The following ARHGAP32 variants were observed in gnomAD, a reference collection of about 807,000 sequenced individuals.
ARHGAP32 encodes the protein rho GTPase-activating protein 32.
Under a neutral mutation model 186.5 loss-of-function variants are expected in ARHGAP32, and 51 were observed. The observed-to-expected ratio is 0.27, with a 90% CI of 0.22 to 0.35. The LOEUF (loss-of-function observed/expected upper bound fraction) is 0.35. ARHGAP32 is among the 10% of genes least tolerant of loss of function. ARHGAP32 has a pLI of 1.00. For synonymous variants in ARHGAP32, 950 were observed against 964.3 expected (o/e 0.99, Z 0.27); for missense variants, 2,186 against 2,623.5 (o/e 0.83, Z 3.64).
chr11:129,123,400 A>C lies in ARHGAP32; in HGVS notation c.444+46T>G. 1.3e-6 allele frequency: 2 copies of C among 1,485,618 alleles called. No individual in the cohort carries two copies. The highest frequency in any genetic ancestry group is 1.9e-6 in the Non-Finnish European group (2 of 1,068,032). The allele number at this position is 1,485,618 out of a possible 1,614,324, so 92.0% of individuals were successfully genotyped here. ...TAGATAAGCATCTAGATATAAAGGT[A>C]AATGTGTAAATCTTAATTCAAGATG... On this transcript the variant is annotated intron_variant, in intron 5 of 22. Transcript: ENST00000682385. The surrounding 1 kb of genome is among the most constrained non-coding windows in gnomAD (Gnocchi z 4.6).
chr11:129,082,907 A>G (rs1203842515), intron 6 of ARHGAP32, among the ~76,000 whole-genome samples: 1 of 151,998 alleles, frequency 6.6e-6, no homozygotes, highest in African/African-American at 2.4e-5. Flanking sequence ...CAACAACAAC[A>G]ACAACAAATA....
intron 1 of ARHGAP32, among the ~76,000 whole-genome samples, chr11:129,278,640 A>G (rs1331127935): frequency 6.6e-6 from 1 of 152,050 alleles, no homozygotes; most frequent in Non-Finnish European, 1.5e-5. Context: ...AGTCAATCGG[A>G]AAGACGAGGG....
intron 8 of ARHGAP32, 101 bp from the exon 9 acceptor site, chr11:129,064,125 A>C: frequency 3.8e-6 from 4 of 1,047,220 alleles, no homozygotes; most frequent in African/African-American, 2.4e-5. Context: ...AGATACAATA[A>C]CCCAAAGAGT....
intron 6 of ARHGAP32, among the ~76,000 whole-genome samples, chr11:129,072,024 T>C (rs1007804818): frequency 6.6e-6 from 1 of 152,068 alleles, no homozygotes; most frequent in Non-Finnish European, 1.5e-5. Flanking sequence ...AGAAGCAGAG[T>C]TGAATGGTGA....
chr11:129,076,537 C>T (rs1361264209), intron 6 of ARHGAP32, among the ~76,000 whole-genome samples: 1 of 151,856 alleles, frequency 6.6e-6, no homozygotes, highest in Non-Finnish European at 1.5e-5. Flanking sequence ...TTGAAAAATA[C>T]CAAAAAATTT....
intron 15 of ARHGAP32, among the ~76,000 whole-genome samples, chr11:128,985,141 C>G (rs1298551341): frequency 2.6e-5 from 4 of 151,978 alleles, no homozygotes; most frequent in Non-Finnish European, 5.9e-5. Flanking sequence ...TGCCTCAGCC[C>G]CCGAGTAGCT....
chr11:129,148,805 TA>T (rs1943226129), intron 2 of ARHGAP32, among the ~76,000 whole-genome samples: 1 of 152,120 alleles, frequency 6.6e-6, no homozygotes, highest in South Asian at 2.1e-4. Flanking sequence ...GGGAGTTGGG[TA>T]AGGCCTCTTG....
intron 1 of ARHGAP32, among the ~76,000 whole-genome samples, chr11:129,208,973 AAC>A (rs1324854220): frequency 2.0e-5 from 3 of 152,128 alleles, no homozygotes; most frequent in Non-Finnish European, 4.4e-5. Flanking sequence ...TAATAACAAA[AAC>A]AGTTGTAACA....
intron 3 of ARHGAP32, among the ~76,000 whole-genome samples, chr11:129,124,188 T>C (rs540601892): frequency 6.6e-6 from 1 of 152,284 alleles, no homozygotes; most frequent in South Asian, 2.1e-4. Flanking sequence ...CAAAATTCAT[T>C]TATATTTCAA....
intron 18 of ARHGAP32, among the ~76,000 whole-genome samples, chr11:128,980,164 C>G (rs1037207753): frequency 3.3e-5 from 5 of 152,226 alleles, no homozygotes; most frequent in Non-Finnish European, 7.3e-5. Flanking sequence ...AATGTGAAAC[C>G]AATGTCAAAC....
chr11:129,065,337 C>T (rs943928300), intron 7 of ARHGAP32, among the ~76,000 whole-genome samples: 6 of 152,072 alleles, frequency 3.9e-5, no homozygotes, highest in Admixed American at 3.9e-4. Flanking sequence ...CAGGAGCAGC[C>T]ATGTTCATAC....
At chr11:129,129,218 C>A (rs1319820365) in intron 2 of ARHGAP32, among the ~76,000 whole-genome samples, 6 of 139,460 alleles carry the variant, frequency 4.3e-5, no homozygotes, top group African/African-American at 1.1e-4. Context: ...AAGTGAGGAG[C>A]CCCTCCACCC....
rs1942300931 is a variant in ARHGAP32 at position 129,114,143 on chromosome 11, C to T, written c.444+9303G>A. Reference sequence around the variant, plus strand: ...TCTCCATCACACATTGATCATGGTACTCCCTTCTCAAAATCCTGCAATACT... The same window carrying T: ...TCTCCATCACACATTGATCATGGTATTCCCTTCTCAAAATCCTGCAATACT... On this transcript the variant is annotated intron_variant, in intron 5 of 22. Coordinates refer to ENST00000682385, the MANE Select transcript of ARHGAP32 (RefSeq NM_001378024.1). 9.2e-5 allele frequency among the ~76,000 whole-genome samples: 14 copies of T among 152,206 alleles called. No individual in the cohort carries two copies. The South Asian group carries it at 2.5e-3, about 27-fold the overall frequency.
In ARHGAP32 at chr11:128,970,960, G is replaced by C; in HGVS notation, c.4253C>G (p.Ala1418Gly). Residue 1418 changes from alanine (A) to glycine (G), a missense_variant, in exon 23 of 23, where the codon GCG becomes GGG. Ala to Gly is a moderately conservative substitution (Grantham distance 60). Around this residue, in one of 5 missense-constraint regions of ARHGAP32, gnomAD observed 1,502 missense variants for 1,570.0 expected, o/e 0.96. Coordinates refer to ENST00000682385, the MANE Select transcript of ARHGAP32 (RefSeq NM_001378024.1). This position sits in a 1 kb window ranked among gnomAD's most constrained non-coding sequence, Gnocchi z 5.8. ...LLHLRAESVP[A>G]HPCGFPAPLP... Reference sequence around the variant, plus strand: ...TGGTGCAGGAAAGCCACAGGGATGCGCAGGGACAGACTCGGCGCGCAGGTG... The same window carrying C: ...TGGTGCAGGAAAGCCACAGGGATGCCCAGGGACAGACTCGGCGCGCAGGTG... 6.2e-7 allele frequency: 1 copy of C among 1,613,910 alleles called. No individual in the cohort carries two copies.
rs1427066451 is a variant in ARHGAP32, at chr11:128,969,580, C to A, written c.5633G>T (p.Ser1878Ile). Reference sequence around the variant, plus strand: ...GCAGCCCATGTCAGGAAGCTTCCTGCTCCTCAGGCTGCTCTGCTTCTGAGG... The same window carrying A: ...GCAGCCCATGTCAGGAAGCTTCCTGATCCTCAGGCTGCTCTGCTTCTGAGG... ...SLPQKQSSLR[S>I]RKLPDMGCSL... Residue 1878 changes from serine (S) to isoleucine (I), a missense_variant, in exon 23 of 23, where the codon AGC becomes ATC. Around this residue, in one of 5 missense-constraint regions of ARHGAP32, gnomAD observed 1,502 missense variants for 1,570.0 expected, o/e 0.96. Coordinates refer to ENST00000682385, the MANE Select transcript of ARHGAP32 (RefSeq NM_001378024.1). The surrounding 1 kb of genome is among the most constrained non-coding windows in gnomAD (Gnocchi z 4.8). 6.2e-7 allele frequency: 1 copy of A among 1,614,156 alleles called. No homozygotes were observed. Among genetic ancestry groups the A allele is most frequent in the Admixed American group, 1.7e-5 (1 of 60,038 alleles).
chr11:129,182,200 T>C (rs2511814), intron 1 of ARHGAP32, among the ~76,000 whole-genome samples: 49,341 of 151,988 alleles, frequency 0.32, 8,419 homozygotes, highest in Non-Finnish European at 0.38. Flanking sequence ...TTCTTTCCAA[T>C]CTACTGCTAT....
chr11:129,194,059 CTT>C (rs572462859), upstream of ARHGAP32, among the ~76,000 whole-genome samples: 3 of 151,952 alleles, frequency 2.0e-5, no homozygotes, highest in East Asian at 3.9e-4. Flanking sequence ...AATAAGATGA[CTT>C]TTAAAAAATC....
intron 10 of ARHGAP32, among the ~76,000 whole-genome samples, chr11:129,055,257 G>A (rs1940203779): frequency 6.6e-6 from 1 of 152,138 alleles, no homozygotes; most frequent in Non-Finnish European, 1.5e-5. Flanking sequence ...TATTAGAATG[G>A]CTATTTTTTT....
At chr11:129,234,663 T>C (rs2135645996) in intron 1 of ARHGAP32, among the ~76,000 whole-genome samples, 1 of 152,304 alleles carries the variant, frequency 6.6e-6, no homozygotes, top group South Asian at 2.1e-4. Context: ...AATCATTTAC[T>C]TATTTTTAAT....
Sources: allele counts gnomAD v4.1 joint callset (sites outside exome capture counted in the v4.1 genomes callset), GRCh38; gene constraint gnomAD v4.1.1; regional missense constraint gnomAD v4.1.1; non-coding constraint Gnocchi (gnomAD v3.1); transcripts MANE v1.5; gene names NCBI Gene and HGNC (gene_info 2026-07-23, HGNC 2026-07-21).